The following LINGO2 variants were observed in gnomAD, a reference collection of about 807,000 sequenced individuals.
LINGO2 encodes leucine-rich repeat and immunoglobulin-like domain-containing nogo receptor-interacting protein 2.
LINGO2 carries 14 observed loss-of-function variants against 30.6 expected under a neutral mutation model. That is an observed-to-expected ratio of 0.46 (90% confidence interval 0.30 to 0.72). LINGO2 has a LOEUF of 0.72. Ranked by LOEUF, LINGO2 falls within the 30% of genes least tolerant of loss-of-function variation. The pLI is 0.07. For missense variants in LINGO2, 729 were observed against 751.7 expected (o/e 0.97, Z 0.35); for synonymous variants, 317 against 288.5 (o/e 1.10, Z -1.00).
At chr9:28,506,657 C>T (rs886468938) in intron 1 of LINGO2, among the ~76,000 whole-genome samples, 3 of 149,998 alleles carry the variant, frequency 2.0e-5, no homozygotes, top group Non-Finnish European at 4.4e-5. Flanking sequence ...AATATATATA[C>T]CTGCATGTCT....
At chr9:28,460,987 T>G (rs1341298942) in intron 2 of LINGO2, among the ~76,000 whole-genome samples, 6 of 152,150 alleles carry the variant, frequency 3.9e-5, no homozygotes, top group Non-Finnish European at 8.8e-5. Flanking sequence ...TAGAAACAAC[T>G]AGAGAGTATT....
chr9:27,938,456 T>A, the LINGO2 span: 1 of 152,138 alleles, frequency 6.6e-6, no homozygotes, highest in Non-Finnish European at 1.5e-5. Flanking sequence ...TTATGGTTAT[T>A]TTGAGAGATG....
At chr9:28,025,073 G>C (rs1019576280) in intron 4 of LINGO2, among the ~76,000 whole-genome samples, 5 of 152,218 alleles carry the variant, frequency 3.3e-5, no homozygotes, top group South Asian at 2.1e-4. Context: ...TTCATGCTTT[G>C]GGCTGATGAG....
At chr9:28,712,461 CTGAT>C in the LINGO2 span, among the ~76,000 whole-genome samples, 1 of 150,812 alleles carries the variant, frequency 6.6e-6, no homozygotes, top group African/African-American at 2.4e-5. Context: ...TCTTCTCAGA[CTGAT>C]TAAGTAGCTC....
the LINGO2 span, among the ~76,000 whole-genome samples, chr9:28,983,031 T>C: frequency 8.6e-5 from 13 of 151,968 alleles, no homozygotes; most frequent in South Asian, 2.5e-3. Context: ...TAATTGTAGG[T>C]ACATAAGAAA....
the LINGO2 span, among the ~76,000 whole-genome samples, chr9:28,757,029 A>C: frequency 6.6e-6 from 1 of 152,066 alleles, no homozygotes; most frequent in Admixed American, 6.5e-5. Flanking sequence ...AGTGATTATT[A>C]GTAGGATATA....
chr9:28,122,593 G>C (rs1019301820), intron 4 of LINGO2, among the ~76,000 whole-genome samples: 1 of 152,170 alleles, frequency 6.6e-6, no homozygotes, highest in Non-Finnish European at 1.5e-5. Flanking sequence ...TGTTACAGAA[G>C]AGTCGCTCTG....
intron 1 of LINGO2, among the ~76,000 whole-genome samples, chr9:28,521,288 T>C (rs918943725): frequency 1.3e-5 from 2 of 152,182 alleles, no homozygotes; most frequent in Admixed American, 1.3e-4. Context: ...ATAGATGATC[T>C]AAGGCAGCTA....
At chr9:29,063,557 C>G in the LINGO2 span, among the ~76,000 whole-genome samples, 6 of 151,982 alleles carry the variant, frequency 3.9e-5, no homozygotes, top group African/African-American at 1.4e-4. Context: ...TGCCACCATG[C>G]CCGGCGAATA....
At chr9:29,123,348 T>C in the LINGO2 span, among the ~76,000 whole-genome samples, 2 of 152,000 alleles carry the variant, frequency 1.3e-5, no homozygotes, top group Non-Finnish European at 2.9e-5. Flanking sequence ...GGAACATGTA[T>C]AGACAAAAGA....
chr9:28,364,714 T>C (rs1283664640), intron 3 of LINGO2, among the ~76,000 whole-genome samples: 2 of 152,238 alleles, frequency 1.3e-5, no homozygotes, highest in African/African-American at 2.4e-5. Context: ...AATTCCTTTA[T>C]AATTCAACAA....
At chr9:28,519,639 A>G (rs1218925243) in intron 1 of LINGO2, among the ~76,000 whole-genome samples, 1 of 152,224 alleles carries the variant, frequency 6.6e-6, no homozygotes, top group African/African-American at 2.4e-5. Context: ...GAGTCATAGA[A>G]CTGCCAGATA....
At chr9:28,755,875 C>T in the LINGO2 span, among the ~76,000 whole-genome samples, 1 of 152,060 alleles carries the variant, frequency 6.6e-6, no homozygotes, top group African/African-American at 2.4e-5. Context: ...ATAGCAACCT[C>T]ATAGACTTTG....
chr9:29,035,427 CAAAA>C, the LINGO2 span, among the ~76,000 whole-genome samples: 1 of 151,644 alleles, frequency 6.6e-6, no homozygotes, highest in Non-Finnish European at 1.5e-5. Flanking sequence ...GAACAAAAAA[CAAAA>C]AAACTTTTCT....
chr9:28,416,714 T>C (rs1328360451), intron 2 of LINGO2, among the ~76,000 whole-genome samples: 1 of 152,170 alleles, frequency 6.6e-6, no homozygotes, highest in Non-Finnish European at 1.5e-5. Flanking sequence ...GGTCAGAACC[T>C]GTCTCAAAAG....
chr9:29,005,954 G>C, the LINGO2 span, among the ~76,000 whole-genome samples: 1 of 151,874 alleles, frequency 6.6e-6, no homozygotes, highest in Non-Finnish European at 1.5e-5. Context: ...GAGACCAATG[G>C]ATAGGAATAG....
intron 3 of LINGO2, among the ~76,000 whole-genome samples, chr9:28,341,903 C>T (rs1356480512): frequency 2.6e-5 from 4 of 152,104 alleles, no homozygotes; most frequent in Non-Finnish European, 5.9e-5. Context: ...ACTTCAGATT[C>T]TCTCTGTGAC....
At chr9:28,855,477 T>C in the LINGO2 span, among the ~76,000 whole-genome samples, 3 of 152,038 alleles carry the variant, frequency 2.0e-5, no homozygotes, top group African/African-American at 7.2e-5. Flanking sequence ...ACCCCACATT[T>C]ACCCTTAAGC....
At chr9:29,007,771 G>C in the LINGO2 span, among the ~76,000 whole-genome samples, 4 of 152,060 alleles carry the variant, frequency 2.6e-5, no homozygotes, top group Non-Finnish European at 4.4e-5. Flanking sequence ...ATTTGACTAT[G>C]GACATGTTTA....
Sources: gnomAD v4.1 joint callset for allele counts (sites outside exome capture counted in the v4.1 genomes callset) on GRCh38, gnomAD v4.1.1 for gene constraint, MANE v1.5 for transcripts, NCBI Gene and HGNC (gene_info 2026-07-23, HGNC 2026-07-21) for gene names.